SUMF1: variants seen among roughly 807,000 people sequenced by gnomAD.
SUMF1 encodes sulfatase modifying factor 1, also known as formylglycine-generating enzyme.
A neutral mutation model predicts 47.6 loss-of-function variants in SUMF1; 48 were observed. The observed-to-expected ratio is 1.01, with a 90% CI of 0.80 to 1.28. The LOEUF is 1.28. Ranked by LOEUF, SUMF1 falls within the 50% of genes most tolerant of loss-of-function variation. The probability of loss-of-function intolerance (pLI) is 0.00; values close to 1 mark genes in which losing one functional copy is unlikely to be tolerated. For synonymous variants in SUMF1, 230 were observed against 192.1 expected (o/e 1.20, Z -1.63); for missense variants, 571 against 485.4 (o/e 1.18, Z -1.66).
intron 3 of SUMF1, among the ~76,000 whole-genome samples, chr3:4,442,720 G>C (rs1328987371): frequency 2.0e-5 from 3 of 150,634 alleles, no homozygotes; most frequent in Admixed American, 6.6e-5. Context: ...GAAGACAGGA[G>C]GCCATCGTTT....
At position 4,147,450 on chromosome 3, in the gene SUMF1, C is replaced by T. The variant is rs1047748520; in HGVS notation, c.1015-78705G>A. 3.4e-4 allele frequency among the ~76,000 whole-genome samples: 52 copies of T among 152,196 alleles called. 1 individual carries two copies. The highest frequency in any genetic ancestry group is 6.9e-4 in the Non-Finnish European group (47 of 67,998). On this transcript the variant is annotated intron_variant and NMD_transcript_variant, in intron 8 of 12. Transcript: ENST00000448413. Reference sequence around the variant, plus strand: ...ATCAAGGCCCACATAAATCATCTACCTAATCTTTCATTTTTTTATAGGTGA... The same window carrying T: ...ATCAAGGCCCACATAAATCATCTACTTAATCTTTCATTTTTTTATAGGTGA...
chr3:4,249,428 G>T (rs375395951), intron 8 of SUMF1, among the ~76,000 whole-genome samples: 21 of 151,620 alleles, frequency 1.4e-4, no homozygotes, highest in Non-Finnish European at 2.8e-4. Flanking sequence ...GGTAATTCTC[G>T]CAATATTTCA....
chr3:4,165,077 G>A (rs537530177), intron 8 of SUMF1, among the ~76,000 whole-genome samples: 2 of 152,242 alleles, frequency 1.3e-5, no homozygotes, highest in African/African-American at 2.4e-5. Flanking sequence ...GGAACAGCTT[G>A]CTCACTGGTA....
At chr3:4,291,895 C>G (rs1358806951) in intron 8 of SUMF1, among the ~76,000 whole-genome samples, 1 of 152,162 alleles carries the variant, frequency 6.6e-6, no homozygotes, top group Non-Finnish European at 1.5e-5. Context: ...TTTGCCAACT[C>G]TCTTCTGTGA....
At chr3:4,281,179 C>G (rs1195096686) in intron 8 of SUMF1, among the ~76,000 whole-genome samples, 1 of 152,024 alleles carries the variant, frequency 6.6e-6, no homozygotes, top group African/African-American at 2.4e-5. Context: ...ATAACATGCC[C>G]TTTGACGGAG....
intron 8 of SUMF1, among the ~76,000 whole-genome samples, chr3:4,222,744 T>C (rs1242915430): frequency 6.6e-6 from 1 of 152,096 alleles, no homozygotes; most frequent in Non-Finnish European, 1.5e-5. Flanking sequence ...AAGGGTTCAT[T>C]ATTACAGAAC....
At chr3:4,097,142 T>A (rs971485407) in intron 8 of SUMF1, among the ~76,000 whole-genome samples, 9 of 152,118 alleles carry the variant, frequency 5.9e-5, no homozygotes, top group Non-Finnish European at 1.3e-4. Context: ...ATCTAATTGC[T>A]CAAAAATGTC....
At chr3:4,226,933 G>T (rs996387468) in intron 8 of SUMF1, among the ~76,000 whole-genome samples, 2 of 151,978 alleles carry the variant, frequency 1.3e-5, no homozygotes, top group African/African-American at 4.8e-5. Flanking sequence ...AAATCACTCT[G>T]GGGGCTAAAA....
At position 4,170,443 on chromosome 3, in the gene SUMF1, A is replaced by C. The variant is rs532366962; in HGVS notation, c.1015-101698T>G. Among the ~76,000 whole-genome samples the C allele has an allele frequency of 1.0e-3, 158 of 152,324 alleles. 1 individual carries two copies. The highest frequency in any genetic ancestry group is 6.1e-3 in the Admixed American group (93 of 15,296). On this transcript the variant is annotated intron_variant and NMD_transcript_variant, in intron 8 of 12. Transcript: ENST00000448413. Reference sequence around the variant, plus strand: ...CCACACTTTGAGAACTGCCGCTTTAAGTTTATGCTGACCAATGCACCAATT... The same window carrying C: ...CCACACTTTGAGAACTGCCGCTTTACGTTTATGCTGACCAATGCACCAATT...
Position 4,453,022 on chromosome 3 carries a change from T to C in SUMF1, c.298A>G (p.Thr100Ala). The C allele has an allele frequency of 6.2e-7, 1 of 1,613,926 alleles. No homozygotes were observed. The highest frequency in any genetic ancestry group is 8.5e-7 in the Non-Finnish European group (1 of 1,180,014). ...ATCTGAGGATCATCTGTGCCCATTG[T>C]AAATACTCCAGCAGGGATGGGGACC... ...KMVPIPAGVF[T>A]MGTDDPQIKQ... Residue 100 changes from threonine (T) to alanine (A), a missense_variant, in exon 2 of 9, where the codon ACA (threonine) becomes GCA (alanine). Physicochemically the swap from Thr to Ala is moderately conservative, Grantham distance 58. Transcript: ENST00000272902.
intron 8 of SUMF1, among the ~76,000 whole-genome samples, chr3:4,141,590 G>A (rs1694072143): frequency 1.3e-5 from 2 of 152,066 alleles, no homozygotes; most frequent in Non-Finnish European, 2.9e-5. Context: ...TTGAGCCCAG[G>A]AGTTCGAGAC....
intron 2 of SUMF1, among the ~76,000 whole-genome samples, 197 bp from the exon 3 acceptor site, chr3:4,449,537 A>G (rs1702899014): frequency 1.3e-5 from 2 of 152,236 alleles, no homozygotes; most frequent in South Asian, 2.1e-4. Context: ...TACAGAGACC[A>G]TTTTCGTTTA....
chr3:4,365,897 T>C, intron 8 of SUMF1, among the ~76,000 whole-genome samples: 1 of 152,190 alleles, frequency 6.6e-6, no homozygotes, highest in East Asian at 1.9e-4. Flanking sequence ...CAGGAGCTCT[T>C]TTAGGGCAGG....
At chr3:4,221,118 A>T (rs570386651) in intron 8 of SUMF1, among the ~76,000 whole-genome samples, 21 of 152,172 alleles carry the variant, frequency 1.4e-4, no homozygotes, top group Non-Finnish European at 2.5e-4. Flanking sequence ...GAAGTGTCGC[A>T]TGCCTTTTAT....
At chr3:4,299,767 G>C (rs910150635) in intron 8 of SUMF1, among the ~76,000 whole-genome samples, 1 of 152,092 alleles carries the variant, frequency 6.6e-6, no homozygotes, top group Admixed American at 6.5e-5. Flanking sequence ...CCAGGATGGC[G>C]CCACTGCACT....
At chr3:4,408,931 C>T (rs1701456733) in intron 7 of SUMF1, among the ~76,000 whole-genome samples, 1 of 151,728 alleles carries the variant, frequency 6.6e-6, no homozygotes, top group Non-Finnish European at 1.5e-5. Flanking sequence ...CACTGCACTC[C>T]AGCCTGAGGG....
intron 8 of SUMF1, among the ~76,000 whole-genome samples, chr3:4,297,103 C>A (rs911884079): frequency 1.3e-4 from 20 of 152,112 alleles, no homozygotes; most frequent in Non-Finnish European, 7.4e-5. Flanking sequence ...AGCTCCTGAC[C>A]AAGAGAACCT....
chr3:4,145,191 T>TA (rs35699553), intron 8 of SUMF1, among the ~76,000 whole-genome samples: 42,257 of 90,240 alleles, frequency 0.47, 10,464 homozygotes, highest in Non-Finnish European at 0.59. Context: ...AAACTCCGTC[T>TA]AAAAAAAAAA....
chr3:4,358,240 A>G (rs367694139), downstream of SUMF1, among the ~76,000 whole-genome samples: 13 of 152,162 alleles, frequency 8.5e-5, no homozygotes, highest in African/African-American at 2.9e-4. Flanking sequence ...CAGTCCAAAA[A>G]TAAAGACCGT....
Sources: allele counts gnomAD v4.1 joint callset (sites outside exome capture counted in the v4.1 genomes callset), GRCh38; gene constraint gnomAD v4.1.1; transcripts MANE v1.5; gene names NCBI Gene and HGNC (gene_info 2026-07-23, HGNC 2026-07-21).